The following CAMK4 variants were observed in gnomAD, a reference collection of about 807,000 sequenced individuals.
CAMK4 encodes calcium/calmodulin dependent protein kinase IV, also known as calcium/calmodulin-dependent protein kinase type IV.
CAMK4 carries 22 observed loss-of-function variants against 44.9 expected under a neutral mutation model. That is an observed-to-expected ratio of 0.49 (90% CI 0.35 to 0.70). The LOEUF (loss-of-function observed/expected upper bound fraction) is 0.70. Ranked by LOEUF, CAMK4 falls within the 30% of genes least tolerant of loss-of-function variation. The probability of loss-of-function intolerance (pLI) is 0.01; values close to 1 mark genes in which losing one functional copy is unlikely to be tolerated. For missense variants in CAMK4, 498 were observed against 586.8 expected, an observed-to-expected ratio of 0.85 and a Z score of 1.56; for synonymous variants, 218 against 215.4, an observed-to-expected ratio of 1.01 and a Z score of -0.11.
intron 1 of CAMK4, among the ~76,000 whole-genome samples, chr5:111,274,399 C>T (rs1339799936): frequency 2.0e-5 from 3 of 152,060 alleles, no homozygotes; most frequent in African/African-American, 4.8e-5. Flanking sequence ...TAATACATCC[C>T]CAAGGCCTTA....
At chr5:111,244,115 C>T (rs1749128552) in intron 1 of CAMK4, among the ~76,000 whole-genome samples, 1 of 152,126 alleles carries the variant, frequency 6.6e-6, no homozygotes, top group African/African-American at 2.4e-5. Context: ...TCACAAGTGC[C>T]ATTTACAGAA....
At chr5:111,342,709 T>A (rs1749694926) in intron 1 of CAMK4, among the ~76,000 whole-genome samples, 2 of 151,574 alleles carry the variant, frequency 1.3e-5, no homozygotes, top group South Asian at 4.1e-4. Flanking sequence ...TCCTTTGCAA[T>A]CCATTCTTGA....
At chr5:111,469,837 A>G (rs1010668975) in intron 7 of CAMK4, among the ~76,000 whole-genome samples, 1 of 152,258 alleles carries the variant, frequency 6.6e-6, no homozygotes, top group Non-Finnish European at 1.5e-5. Context: ...AATGGGTAGC[A>G]GGTTAAAACT....
Position 111,484,411 on chromosome 5 carries a change from G to T in CAMK4, c.1367G>T (p.Ser456Ile). ...EAAAPREGQG[S>I]SAVGFEVPQQ... The stretch of plus-strand genomic sequence containing the variant: ...GCAGCTCCCAGAGAAGGGCAAGGAA[G>T]CTCTGCTGTGGGTTTTGAAGTTCCA... The change falls in exon 11 of 11, where the codon AGC becomes ATC. Residue 456 changes from serine to isoleucine, a missense_variant. Coordinates refer to ENST00000282356, the MANE Select transcript of CAMK4 (RefSeq NM_001744.6). This position sits in a 1 kb window ranked among gnomAD's most constrained non-coding sequence, Gnocchi z 5.3. 6.4e-7 allele frequency: 1 copy of T among 1,560,342 alleles called. No homozygotes were observed. Among genetic ancestry groups the T allele is most frequent in the Non-Finnish European group, 8.7e-7 (1 of 1,154,924 alleles).
At chr5:111,268,063 C>T (rs999358614) in intron 1 of CAMK4, among the ~76,000 whole-genome samples, 1 of 152,096 alleles carries the variant, frequency 6.6e-6, no homozygotes, top group Non-Finnish European at 1.5e-5. Flanking sequence ...ATCATTAGGC[C>T]CAGTGTATTC....
chr5:111,377,171 C>G (rs1352425489), intron 4 of CAMK4, among the ~76,000 whole-genome samples: 5 of 151,994 alleles, frequency 3.3e-5, no homozygotes, highest in Non-Finnish European at 7.4e-5. Flanking sequence ...ACTATAATAT[C>G]TATTTATCTT....
chr5:111,404,675 G>T (rs954794325), intron 5 of CAMK4, among the ~76,000 whole-genome samples: 2 of 152,020 alleles, frequency 1.3e-5, no homozygotes, highest in African/African-American at 4.8e-5. Context: ...CACGAATGCT[G>T]GTCAGTTGTT....
At chr5:111,342,900 G>T (rs1749701659) in intron 1 of CAMK4, among the ~76,000 whole-genome samples, 1 of 151,496 alleles carries the variant, frequency 6.6e-6, no homozygotes, top group African/African-American at 2.4e-5. Context: ...TCCATCATTT[G>T]TGCTGTTGTT....
intron 5 of CAMK4, among the ~76,000 whole-genome samples, chr5:111,401,780 CT>C (rs1752237902): frequency 6.6e-6 from 1 of 152,134 alleles, no homozygotes; most frequent in Non-Finnish European, 1.5e-5. Context: ...ACAGCTACCC[CT>C]AGGACTGGGG....
At chr5:111,418,467 G>A (rs1752894766) in intron 5 of CAMK4, among the ~76,000 whole-genome samples, 1 of 151,616 alleles carries the variant, frequency 6.6e-6, no homozygotes, top group Non-Finnish European at 1.5e-5. Context: ...TATACTTTAA[G>A]TTTTAGGGTA....
chr5:111,224,326 C>G (rs901969449), upstream of CAMK4: 10 of 1,106,138 alleles, frequency 9.0e-6, no homozygotes, highest in African/African-American at 1.0e-4. The surrounding 1 kb of genome is among the most constrained non-coding windows in gnomAD (Gnocchi z 5.7). Flanking sequence ...CCCCGCCCAC[C>G]GTCCCTGCGA....
At chr5:111,445,586 T>C (rs1041260977) in intron 5 of CAMK4, among the ~76,000 whole-genome samples, 1 of 152,056 alleles carries the variant, frequency 6.6e-6, no homozygotes, top group African/African-American at 2.4e-5. Flanking sequence ...TGCACCACCA[T>C]CCCTGGCTTT....
At chr5:111,264,549 T>C (rs1350141523) in intron 1 of CAMK4, among the ~76,000 whole-genome samples, 1 of 152,222 alleles carries the variant, frequency 6.6e-6, no homozygotes, top group Non-Finnish European at 1.5e-5. Flanking sequence ...GAGAGTCTTA[T>C]TCACTGCACT....
chr5:111,421,350 C>A (rs1386103939), intron 5 of CAMK4, among the ~76,000 whole-genome samples: 1 of 152,272 alleles, frequency 6.6e-6, no homozygotes, highest in Middle Eastern at 3.4e-3. Flanking sequence ...GGGATGCCCC[C>A]AAAAGTTTTG....
At chr5:111,433,093 C>G (rs1580746429) in intron 5 of CAMK4, among the ~76,000 whole-genome samples, 1 of 152,262 alleles carries the variant, frequency 6.6e-6, no homozygotes, top group East Asian at 1.9e-4. Context: ...TGGTATTAAT[C>G]TGGGTTATAA....
At chr5:111,380,382 T>C (rs1751369120) in intron 4 of CAMK4, among the ~76,000 whole-genome samples, 1 of 152,144 alleles carries the variant, frequency 6.6e-6, no homozygotes, top group South Asian at 2.1e-4. Context: ...AGTTCAGGGG[T>C]ACATTTGCAG....
chr5:111,409,222 C>A (rs1451054397), intron 5 of CAMK4, among the ~76,000 whole-genome samples: 1 of 152,224 alleles, frequency 6.6e-6, no homozygotes, highest in Admixed American at 6.5e-5. Context: ...GGCATCCAGG[C>A]ATTTCCATAC....
intron 5 of CAMK4, among the ~76,000 whole-genome samples, chr5:111,412,186 A>T (rs906452564): frequency 3.9e-5 from 6 of 152,220 alleles, no homozygotes; most frequent in Non-Finnish European, 8.8e-5. Context: ...AAAATGCAGG[A>T]AGAAAAGAGA....
In CAMK4 at chr5:111,301,078, G is replaced by GT. The variant is rs111428182; in HGVS notation, c.162-42935dup. Reference sequence around the variant, plus strand: ...GATTTAATAGCTTCATGGCTTACTGGTTTTTTTTTTTCATCAGCCCTGTTC... The same window carrying GT: ...GATTTAATAGCTTCATGGCTTACTGGTTTTTTTTTTTTCATCAGCCCTGTTC... On this transcript the variant is annotated intron_variant, in intron 1 of 10. Coordinates refer to ENST00000282356, the MANE Select transcript of CAMK4 (RefSeq NM_001744.6). Among the ~76,000 whole-genome samples the GT allele has an allele frequency of 5.8e-3, 846 of 146,558 alleles. 5 individuals carry two copies. The highest frequency in any genetic ancestry group is 0.016 in the African/African-American group (661 of 40,212).
Sources: allele counts gnomAD v4.1 joint callset (sites outside exome capture counted in the v4.1 genomes callset), GRCh38; gene constraint gnomAD v4.1.1; non-coding constraint Gnocchi (gnomAD v3.1); transcripts MANE v1.5; gene names NCBI Gene and HGNC (gene_info 2026-07-23, HGNC 2026-07-21).